The following CCNJL variants were observed in gnomAD, a reference collection of about 807,000 sequenced individuals.
CCNJL encodes the protein cyclin J like, also known as cyclin-J-like protein.
In CCNJL, 33 loss-of-function variants were observed where a neutral mutation model predicts 33.4. The ratio of observed to expected loss-of-function variants is 0.99; its 90% CI spans 0.75 to 1.32. The LOEUF (loss-of-function observed/expected upper bound fraction) is 1.32. Among genes scored for constraint, CCNJL ranks in the 40% most tolerant of loss-of-function variants. The pLI, the probability that CCNJL is intolerant of heterozygous loss-of-function variation, is 0.00. For missense variants in CCNJL, 512 were observed against 499.7 expected (o/e 1.02, Z -0.23); for synonymous variants, 227 against 220.9 (o/e 1.03, Z -0.24).
At chr5:160,274,458 CA>C (rs557773717) in intron 3 of CCNJL, among the ~76,000 whole-genome samples, 149 of 141,594 alleles carry the variant, frequency 1.1e-3, no homozygotes, top group African/African-American at 3.5e-3. Flanking sequence ...GACCTCGTCT[CA>C]AAAAAAAAAA....
At chr5:160,315,766 T>C (rs1291114361), upstream of CCNJL, among the ~76,000 whole-genome samples, 1 of 152,202 alleles carries the variant, frequency 6.6e-6, no homozygotes, top group Non-Finnish European at 1.5e-5. Flanking sequence ...AATGTTACTT[T>C]AAAATAATCA....
intron 3 of CCNJL, among the ~76,000 whole-genome samples, chr5:160,269,820 CACT>C (rs1761759620): frequency 6.6e-6 from 1 of 152,164 alleles, no homozygotes; most frequent in Admixed American, 6.5e-5. Context: ...GGCTGAGAAC[CACT>C]GAGTCAACCC....
chr5:160,290,545 G>C (rs1445288515), intron 2 of CCNJL, among the ~76,000 whole-genome samples: 1 of 152,104 alleles, frequency 6.6e-6, no homozygotes, highest in Non-Finnish European at 1.5e-5. Flanking sequence ...TGGGATTACA[G>C]ACATGAGCTA....
intron 1 of CCNJL, among the ~76,000 whole-genome samples, chr5:160,338,582 C>T (rs4921131): frequency 0.48 from 72,635 of 151,848 alleles, 17,632 homozygotes; most frequent in Middle Eastern, 0.54. Context: ...TTGGGTTTGG[C>T]TGGATTAAGG....
In CCNJL at chr5:160,252,217, CGCT is replaced by C; in HGVS notation, c.*1158_*1160del. On this transcript the variant is annotated 3_prime_UTR_variant, in exon 6 of 6. Coordinates refer to ENST00000257536, the MANE Select transcript of CCNJL (RefSeq NM_001308173.3). ...ACAAGAGTCTTCCTGAGGGCCCTCT[CGCT>C]GCAGATCCCTAAATACTGGCTTTTG... The C allele has an allele frequency of 6.6e-6, 1 of 152,662 alleles. No homozygotes were observed. The highest frequency in any genetic ancestry group is 2.4e-5 in the African/African-American group (1 of 41,458). The allele number at this position is 152,662 out of a possible 1,614,324, so 9.5% of individuals were successfully genotyped here. A position where few individuals can be genotyped will look rare whatever the true frequency, so the allele number is the denominator to read the frequency against.
intron 2 of CCNJL, among the ~76,000 whole-genome samples, chr5:160,294,101 G>A (rs1395707204): frequency 1.3e-5 from 2 of 152,152 alleles, no homozygotes; most frequent in African/African-American, 4.8e-5. Flanking sequence ...AGGAAGTGGA[G>A]ACTTGCAAAT....
At chr5:160,326,389 C>T (rs111250063) in intron 1 of CCNJL, among the ~76,000 whole-genome samples, 5 of 148,880 alleles carry the variant, frequency 3.4e-5, no homozygotes, top group Admixed American at 6.9e-5. Flanking sequence ...GCAGGACAAT[C>T]GCTTGAACCC....
intron 2 of CCNJL, among the ~76,000 whole-genome samples, chr5:160,303,227 T>C (rs1455272285): frequency 1.3e-5 from 2 of 152,162 alleles, no homozygotes; most frequent in Non-Finnish European, 2.9e-5. Flanking sequence ...TTTTTTGAGA[T>C]GGAGTTTTGC....
chr5:160,250,842 T>C lies in CCNJL; in HGVS notation c.*2536A>G, dbSNP rs746320485. On this transcript the variant is annotated 3_prime_UTR_variant, in exon 6 of 6. Coordinates refer to ENST00000257536, the MANE Select transcript of CCNJL (RefSeq NM_001308173.3). Reference sequence around the variant, plus strand: ...TGCTTGAAGAAATATAATAATTATCTCCTTTTTTGGAGGTACTGGCCTTGA... The same window carrying C: ...TGCTTGAAGAAATATAATAATTATCCCCTTTTTTGGAGGTACTGGCCTTGA... 8.5e-5 allele frequency: 13 copies of C among 152,192 alleles called. No individual in the cohort carries two copies. Among genetic ancestry groups the C allele is most frequent in the Non-Finnish European group, 1.3e-4 (9 of 68,034 alleles). The allele number at this position is 152,192 out of a possible 1,614,324, so 9.4% of individuals were successfully genotyped here. A position where few individuals can be genotyped will look rare whatever the true frequency, so the allele number is the denominator to read the frequency against.
At position 160,250,671 on chromosome 5, in the gene CCNJL, A is replaced by G. The variant is rs555955505; in HGVS notation, c.*2707T>C. The G allele has an allele frequency of 3.3e-5, 5 of 152,248 alleles. No homozygotes were observed. Among genetic ancestry groups the G allele is most frequent in the Non-Finnish European group, 7.3e-5 (5 of 68,042 alleles). The allele number at this position is 152,248 out of a possible 1,614,324, so 9.4% of individuals were successfully genotyped here. A position where few individuals can be genotyped will look rare whatever the true frequency, so the allele number is the denominator to read the frequency against. ...TGATGCTATATCTCATCAATTCTAC[A>G]TATACATATTTTGACATGTAACGCT... is the stretch of plus-strand genomic sequence containing the variant. On this transcript the variant is annotated 3_prime_UTR_variant, in exon 6 of 6. Coordinates refer to ENST00000257536, the MANE Select transcript of CCNJL (RefSeq NM_001308173.3).
chr5:160,320,825 C>CTT (rs1763435739), intron 1 of CCNJL, among the ~76,000 whole-genome samples: 3 of 116,526 alleles, frequency 2.6e-5, no homozygotes, highest in Admixed American at 1.8e-4. Flanking sequence ...TTCTTTCTTT[C>CTT]TTTCTTTCTT....
At chr5:160,318,297 G>A (rs1312729161) in intron 1 of CCNJL, among the ~76,000 whole-genome samples, 4 of 152,164 alleles carry the variant, frequency 2.6e-5, no homozygotes, top group African/African-American at 4.8e-5. Flanking sequence ...AATTACAGGC[G>A]TGAGCCACCA....
exon 1 of CCNJL, chr5:160,339,474 C>G (rs988642763): frequency 8.8e-6 from 4 of 452,390 alleles, no homozygotes; most frequent in Admixed American, 2.4e-5. Context: ...ATTTCAGTAC[C>G]ATTTCAGCCT....
intron 1 of CCNJL, among the ~76,000 whole-genome samples, chr5:160,321,047 TTTCTTTCTTTCTTTCTTTCTTTC>T: frequency 8.3e-6 from 1 of 120,334 alleles, no homozygotes; most frequent in African/African-American, 4.4e-5. Context: ...TCTTTCTTTC[TTTCTTTCTTTCTTTCTTTCTTTC>T]TTTCTTTCTT....
chr5:160,287,590 G>C (rs1294023532), intron 2 of CCNJL, among the ~76,000 whole-genome samples: 2 of 152,234 alleles, frequency 1.3e-5, no homozygotes, highest in Non-Finnish European at 2.9e-5. Flanking sequence ...TTTGCTCTAA[G>C]GGACTGCATT....
chr5:160,320,619 G>C (rs1763427993), intron 1 of CCNJL, among the ~76,000 whole-genome samples: 1 of 152,204 alleles, frequency 6.6e-6, no homozygotes, highest in Non-Finnish European at 1.5e-5. Context: ...GCTGCATCCA[G>C]GGTGGGGAGC....
chr5:160,286,601 G>C (rs192484555), intron 2 of CCNJL, among the ~76,000 whole-genome samples: 1 of 152,166 alleles, frequency 6.6e-6, no homozygotes, highest in East Asian at 1.9e-4. Context: ...TTGTACCACT[G>C]CACTCCAGCC....
rs553498918 is a variant in CCNJL, at chr5:160,276,657, G to A, written c.280+3868C>T. Among the ~76,000 whole-genome samples the A allele has an allele frequency of 1.1e-4, 17 of 152,298 alleles. 1 individual carries two copies. The South Asian group carries it at 3.5e-3, about 32-fold the overall frequency. ...CAAGTGACTGCTTAATGGGTACGAA[G>A]TTTCCTTTTAAGGTGATAAAAATGT... On this transcript the variant is annotated intron_variant, in intron 3 of 5. Coordinates refer to ENST00000257536, the MANE Select transcript of CCNJL (RefSeq NM_001308173.3).
chr5:160,259,743 G>C lies in CCNJL; in HGVS notation c.309C>G (p.Val103=), dbSNP rs1761236929. Residue 103 remains valine, a synonymous_variant, in exon 4 of 6, where the codon GTC becomes GTG. Transcript: ENST00000257536. ...TGCTGTTTATTTGCTCCAACTTGGGGACGTGGTCTTCCCGATCCTCGAACT... is the reference window on the plus strand; with the variant it reads ...TGCTGTTTATTTGCTCCAACTTGGGCACGTGGTCTTCCCGATCCTCGAACT... ...ASKFEDREDH[V]PKLEQINSTR... The C allele has an allele frequency of 4.3e-6, 7 of 1,612,326 alleles. No homozygotes were observed. Among genetic ancestry groups the C allele is most frequent in the Middle Eastern group, 1.7e-4 (1 of 6,056 alleles).
Sources: gnomAD v4.1 joint callset for allele counts (sites outside exome capture counted in the v4.1 genomes callset) on GRCh38, gnomAD v4.1.1 for gene constraint, MANE v1.5 for transcripts, NCBI Gene and HGNC (gene_info 2026-07-23, HGNC 2026-07-21) for gene names.